SPAG16: variants seen among roughly 807,000 people sequenced by gnomAD.
The protein encoded by SPAG16 is sperm associated antigen 16, also known as sperm-associated antigen 16 protein.
In SPAG16, 86 loss-of-function variants were observed where a neutral mutation model predicts 80.4. The ratio of observed to expected loss-of-function variants is 1.07; its 90% confidence interval spans 0.90 to 1.28. The LOEUF (loss-of-function observed/expected upper bound fraction) is 1.28, where lower values mean the gene tolerates loss of function less well. Among genes scored for constraint, SPAG16 ranks in the 50% most tolerant of loss-of-function variants. The probability of loss-of-function intolerance (pLI) is 0.00; values close to 1 mark genes in which losing one functional copy is unlikely to be tolerated. For synonymous variants in SPAG16, 294 were observed against 265.9 expected (o/e 1.11, Z -1.03); for missense variants, 870 against 765.3 (o/e 1.14, Z -1.61).
chr2:213,729,417 T>G (rs1287809513), intron 10 of SPAG16, among the ~76,000 whole-genome samples: 1 of 152,162 alleles, frequency 6.6e-6, no homozygotes, highest in Non-Finnish European at 1.5e-5. Context: ...AATGTACATA[T>G]AAGCACTGTA....
intron 15 of SPAG16, among the ~76,000 whole-genome samples, chr2:214,358,082 T>A (rs1698935712): frequency 6.6e-6 from 1 of 151,930 alleles, no homozygotes; most frequent in Non-Finnish European, 1.5e-5. Flanking sequence ...TTTCTCCAAT[T>A]TACTCAATGT....
intron 9 of SPAG16, among the ~76,000 whole-genome samples, chr2:213,408,768 T>C (rs908825028): frequency 6.6e-6 from 1 of 152,178 alleles, no homozygotes; most frequent in Non-Finnish European, 1.5e-5. Context: ...TGCTCAAACA[T>C]GCAAGCTGTT....
chr2:213,761,904 A>C (rs2068685571), intron 10 of SPAG16, among the ~76,000 whole-genome samples: 1 of 151,262 alleles, frequency 6.6e-6, no homozygotes, highest in South Asian at 2.1e-4. Flanking sequence ...AAACAAAAAA[A>C]AACCCTACAG....
chr2:214,115,876 CAAAAA>C (rs34111831), intron 14 of SPAG16, among the ~76,000 whole-genome samples: 1 of 66,128 alleles, frequency 1.5e-5, no homozygotes, highest in Non-Finnish European at 3.0e-5. Context: ...GACTCCATCT[CAAAAA>C]AAAAAAAAAA....
At chr2:214,371,532 C>CAAA (rs199553043) in intron 15 of SPAG16, among the ~76,000 whole-genome samples, 123 of 78,350 alleles carry the variant, frequency 1.6e-3, no homozygotes, top group African/African-American at 3.9e-3. Flanking sequence ...AAATCCTTCT[C>CAAA]AAAAAAAAAA....
chr2:213,548,317 G>A (rs1382376144), intron 10 of SPAG16, among the ~76,000 whole-genome samples: 1 of 151,960 alleles, frequency 6.6e-6, no homozygotes, highest in Admixed American at 6.6e-5. Flanking sequence ...GGTTCACGCC[G>A]TTCTCCTGCC....
chr2:213,454,112 G>T (rs1244098550), intron 9 of SPAG16, among the ~76,000 whole-genome samples: 2 of 152,014 alleles, frequency 1.3e-5, no homozygotes, highest in Non-Finnish European at 2.9e-5. Flanking sequence ...AGCAAACGGG[G>T]AACATGTAAC....
intron 14 of SPAG16, among the ~76,000 whole-genome samples, chr2:214,136,949 G>A (rs546172114): frequency 4.2e-4 from 64 of 152,114 alleles, no homozygotes; most frequent in East Asian, 9.6e-4. Context: ...GATGTTTCCC[G>A]GACTTAATGT....
intron 15 of SPAG16, among the ~76,000 whole-genome samples, chr2:214,325,391 G>A (rs1696402891): frequency 6.6e-6 from 1 of 152,160 alleles, no homozygotes; most frequent in Non-Finnish European, 1.5e-5. Context: ...AGTGTTAATA[G>A]CTAGCCTGTC....
At chr2:214,236,923 A>G (rs910818690) in intron 15 of SPAG16, among the ~76,000 whole-genome samples, 2 of 152,104 alleles carry the variant, frequency 1.3e-5, no homozygotes, top group Non-Finnish European at 2.9e-5. Context: ...TCTATTTTGA[A>G]TCCTCCACCT....
At chr2:213,827,201 CCTACT>C (rs1186914579) in intron 10 of SPAG16, among the ~76,000 whole-genome samples, 1 of 151,698 alleles carries the variant, frequency 6.6e-6, no homozygotes, top group African/African-American at 2.4e-5. Flanking sequence ...TTATTAATGA[CCTACT>C]CTGGCCATTT....
intron 6 of SPAG16, among the ~76,000 whole-genome samples, chr2:213,340,547 T>G (rs1204619648): frequency 6.6e-6 from 1 of 152,060 alleles, no homozygotes; most frequent in African/African-American, 2.4e-5. Flanking sequence ...GGCTCAAGGA[T>G]TTATTTCCAC....
intron 10 of SPAG16, among the ~76,000 whole-genome samples, chr2:213,564,321 C>A (rs952302580): frequency 6.6e-6 from 1 of 151,686 alleles, no homozygotes. Flanking sequence ...ATGGTGACAC[C>A]CCATCTCTGC....
At chr2:213,932,149 T>C (rs1474116648) in intron 12 of SPAG16, among the ~76,000 whole-genome samples, 1 of 2,694 alleles carries the variant, frequency 3.7e-4, no homozygotes, top group African/African-American at 1.4e-3. Flanking sequence ...TGATACTGCA[T>C]ATATATATAT....
At chr2:213,328,470 A>G (rs1278589506) in intron 5 of SPAG16, among the ~76,000 whole-genome samples, 1 of 152,182 alleles carries the variant, frequency 6.6e-6, no homozygotes, top group African/African-American at 2.4e-5. Context: ...TGCTTTCACA[A>G]TAAAGTATCA....
chr2:213,458,785 CT>C (rs1283645230), intron 9 of SPAG16, among the ~76,000 whole-genome samples: 1 of 152,170 alleles, frequency 6.6e-6, no homozygotes, highest in Non-Finnish European at 1.5e-5. Context: ...GTCATTTTTA[CT>C]GTTCTCCCTT....
rs3043764 is a variant in SPAG16 at position 214,149,096 on chromosome 2, T to TATATAC, written c.1594-43_1594-42insTATACA. ...GTGTGTGTATATATATATATATATA[T>TATATAC]ACATACATACACATTTTATTTTTGT... On this transcript the variant is annotated intron_variant, in intron 14 of 15. Transcript: ENST00000331683. 216 of 750,158 alleles carry TATATAC rather than the reference T, an allele frequency of 2.9e-4. 2 individuals are homozygous for TATATAC. The highest frequency in any genetic ancestry group is 2.3e-3 in the East Asian group (41 of 17,464). The allele number at this position is 750,158 out of a possible 1,614,324, so 46.5% of individuals were successfully genotyped here.
intron 15 of SPAG16, among the ~76,000 whole-genome samples, chr2:214,385,892 G>A (rs180736287): frequency 6.6e-5 from 10 of 151,950 alleles, no homozygotes; most frequent in Admixed American, 5.9e-4. Flanking sequence ...CTTATTTTTT[G>A]AGTTGGCTGA....
At chr2:213,588,621 T>C (rs541400119) in intron 10 of SPAG16, among the ~76,000 whole-genome samples, 1 of 149,764 alleles carries the variant, frequency 6.7e-6, no homozygotes, top group African/African-American at 2.4e-5. Context: ...GCTAACAAGG[T>C]GAAACCCCGT....
Sources: allele counts gnomAD v4.1 joint callset (sites outside exome capture counted in the v4.1 genomes callset), GRCh38; gene constraint gnomAD v4.1.1; transcripts MANE v1.5; gene names NCBI Gene and HGNC (gene_info 2026-07-23, HGNC 2026-07-21).